The following GSE1 variants were observed in gnomAD, a reference collection of about 807,000 sequenced individuals.
GSE1 encodes genetic suppressor element 1.
GSE1 carries 32 observed loss-of-function variants against 112.6 expected under a neutral mutation model. The ratio of observed to expected loss-of-function variants is 0.28; its 90% CI spans 0.21 to 0.38. GSE1 has a LOEUF of 0.38. GSE1 is among the 10% of genes least tolerant of loss of function. The pLI is 1.00. For missense variants in GSE1, 2,348 were observed against 1,699.2 expected, an observed-to-expected ratio of 1.38 and a Z score of -6.71; for synonymous variants, 1,115 against 735.6, an observed-to-expected ratio of 1.52 and a Z score of -8.35.
intron 2 of GSE1, among the ~76,000 whole-genome samples, chr16:85,514,605 G>A (rs1567551417): frequency 6.6e-6 from 1 of 152,218 alleles, no homozygotes; most frequent in Non-Finnish European, 1.5e-5. Context: ...ACCCTGCTGG[G>A]CTTGTCACAC....
intron 2 of GSE1, among the ~76,000 whole-genome samples, chr16:85,497,785 G>C (rs1322121289): frequency 6.6e-6 from 1 of 152,250 alleles, no homozygotes; most frequent in Non-Finnish European, 1.5e-5. Flanking sequence ...CCCGGGGTGG[G>C]GCAGACTGCT....
intron 1 of GSE1, among the ~76,000 whole-genome samples, chr16:85,248,290 G>A (rs961660689): frequency 5.9e-5 from 9 of 152,054 alleles, no homozygotes; most frequent in Admixed American, 5.9e-4. Flanking sequence ...TTGTCTTCCC[G>A]CCTCTGCCCG....
At chr16:85,548,558 T>C (rs1178358811) in intron 2 of GSE1, among the ~76,000 whole-genome samples, 1 of 152,202 alleles carries the variant, frequency 6.6e-6, no homozygotes, top group Non-Finnish European at 1.5e-5. Context: ...CCACACGTGT[T>C]GCTGCAAATG....
At chr16:85,421,550 A>G (rs746399663) in intron 2 of GSE1, among the ~76,000 whole-genome samples, 1 of 152,232 alleles carries the variant, frequency 6.6e-6, no homozygotes, top group Non-Finnish European at 1.5e-5. Flanking sequence ...TTCAACAAAC[A>G]GCTGCACAGC....
intron 2 of GSE1, among the ~76,000 whole-genome samples, chr16:85,520,816 A>G (rs534091997): frequency 1.9e-4 from 29 of 152,278 alleles, no homozygotes; most frequent in African/African-American, 6.0e-4. Context: ...AGAGAAAAAG[A>G]TTTTGTGGAT....
chr16:85,626,644 T>C (rs1183959874), intron 1 of GSE1, among the ~76,000 whole-genome samples: 1 of 152,184 alleles, frequency 6.6e-6, no homozygotes, highest in Non-Finnish European at 1.5e-5. Context: ...GGATTGGTGC[T>C]TGAACCGGGA....
At chr16:85,525,514 G>A (rs2052338372) in intron 2 of GSE1, among the ~76,000 whole-genome samples, 1 of 152,242 alleles carries the variant, frequency 6.6e-6, no homozygotes, top group South Asian at 2.1e-4. Context: ...TGCCCAGCCA[G>A]CCGGCAGGCT....
chr16:85,452,366 T>C (rs908742129), intron 2 of GSE1, among the ~76,000 whole-genome samples: 1 of 152,098 alleles, frequency 6.6e-6, no homozygotes, highest in Non-Finnish European at 1.5e-5. Context: ...GTGTTCCCAC[T>C]CTGGCCCCCA....
chr16:85,178,984 TTTG>T (rs1209338314), intron 1 of GSE1, among the ~76,000 whole-genome samples: 2 of 152,094 alleles, frequency 1.3e-5, no homozygotes, highest in East Asian at 1.9e-4. Flanking sequence ...CATGGTGGTT[TTTG>T]TTGTTGTTTT....
intron 1 of GSE1, among the ~76,000 whole-genome samples, chr16:85,572,272 A>AACACACCACATACCCCCACACACAAC (rs1184896123): frequency 2.9e-4 from 41 of 139,444 alleles, no homozygotes; most frequent in African/African-American, 1.1e-3. Context: ...CACACACACC[A>AACACACCACATACCCCCACACACAAC]ACACACCACA....
At chr16:85,337,704 T>C (rs1187826525) in intron 1 of GSE1, among the ~76,000 whole-genome samples, 1 of 152,194 alleles carries the variant, frequency 6.6e-6, no homozygotes, top group African/African-American at 2.4e-5. Context: ...CAGGGGTCCA[T>C]GGGTGTGGGC....
intron 1 of GSE1, among the ~76,000 whole-genome samples, chr16:85,566,889 GC>G (rs1483773050): frequency 2.6e-5 from 4 of 152,332 alleles, no homozygotes; most frequent in African/African-American, 7.2e-5. Flanking sequence ...CTGTGGAGGG[GC>G]CGCAGCGGAA....
intron 1 of GSE1, among the ~76,000 whole-genome samples, chr16:85,586,965 C>G (rs900070672): frequency 7.9e-5 from 12 of 152,262 alleles, no homozygotes; most frequent in African/African-American, 2.9e-4. Flanking sequence ...TTTGATTGCA[C>G]TACCATGGTT....
At chr16:85,613,440 T>TC in intron 1 of GSE1, 42 bp downstream of exon 1, 8 of 1,506,414 alleles carry the variant, frequency 5.3e-6, no homozygotes, top group Non-Finnish European at 6.3e-6. Context: ...TCCTCCCCCC[T>TC]CCCCCCACCG....
At chr16:85,550,099 A>C (rs112694691) in intron 2 of GSE1, among the ~76,000 whole-genome samples, 28 of 152,284 alleles carry the variant, frequency 1.8e-4, no homozygotes, top group African/African-American at 6.3e-4. Flanking sequence ...CCTGGAGTGC[A>C]GGGGTGATTC....
At chr16:85,343,055 A>G (rs2046658487) in intron 1 of GSE1, among the ~76,000 whole-genome samples, 1 of 151,974 alleles carries the variant, frequency 6.6e-6, no homozygotes, top group African/African-American at 2.4e-5. Flanking sequence ...GAGCTGCTGG[A>G]TGTGCCTCCC....
chr16:85,294,395 C>A (rs2045303660), intron 1 of GSE1, among the ~76,000 whole-genome samples: 1 of 152,186 alleles, frequency 6.6e-6, no homozygotes, highest in Non-Finnish European at 1.5e-5. Flanking sequence ...GCCCTGCTGG[C>A]CCTTGTCCCA....
chr16:85,667,800 G>A (rs922786583), intron 13 of GSE1, among the ~76,000 whole-genome samples: 1 of 152,180 alleles, frequency 6.6e-6, no homozygotes, highest in Non-Finnish European at 1.5e-5. Flanking sequence ...GGAAGTTGCA[G>A]TGAGCCGAGA....
At position 85,634,044 on chromosome 16, in the gene GSE1, C is replaced by T; in HGVS notation, c.138C>T (p.Thr46=). The T allele has an allele frequency of 6.2e-7, 1 of 1,609,904 alleles. No homozygotes were observed. Among genetic ancestry groups the T allele is most frequent in the Non-Finnish European group, 8.5e-7 (1 of 1,178,244 alleles). ...TGGTGCCCAGCGGCAGCCCCGCCAC[C>T]AGCAGCGCGCTGTCGGCCCAGGCCG... is the stretch of plus-strand genomic sequence containing the variant. ...GALVPSGSPA[T]SSALSAQAAP... Residue 46 remains threonine (T), a synonymous_variant, in exon 2 of 16, where the codon ACC becomes ACT. Transcript: ENST00000253458.
Sources: allele counts gnomAD v4.1 joint callset (sites outside exome capture counted in the v4.1 genomes callset), GRCh38; gene constraint gnomAD v4.1.1; transcripts MANE v1.5; gene names NCBI Gene and HGNC (gene_info 2026-07-23, HGNC 2026-07-21).